The following BPIFB1 variants were observed in gnomAD, a reference collection of about 807,000 sequenced individuals.
BPIFB1 encodes BPI fold-containing family B member 1.
Under a neutral mutation model 55.1 loss-of-function variants are expected in BPIFB1, and 34 were observed. That is an observed-to-expected ratio of 0.62 (90% CI 0.47 to 0.82). The LOEUF (loss-of-function observed/expected upper bound fraction) is 0.82, where lower values mean the gene tolerates loss of function less well. BPIFB1 is among the 40% of genes least tolerant of loss of function. The pLI, the probability that BPIFB1 is intolerant of heterozygous loss-of-function variation, is 0.00. For missense variants in BPIFB1, 532 were observed against 593.1 expected (o/e 0.90, Z 1.07); for synonymous variants, 236 against 245.3 (o/e 0.96, Z 0.35).
intron 3 of BPIFB1, 119 bp downstream of exon 3, chr20:33,289,001 G>A: frequency 2.7e-5 from 33 of 1,216,706 alleles, no homozygotes; most frequent in Non-Finnish European, 3.6e-5. Context: ...CACAAAGAGT[G>A]GATCAAACAA....
intron 2 of BPIFB1, among the ~76,000 whole-genome samples, chr20:33,286,491 A>G (rs1474927800): frequency 6.6e-6 from 1 of 152,184 alleles, no homozygotes; most frequent in Non-Finnish European, 1.5e-5. Context: ...CTTCACCTGA[A>G]ATCCCATCGT....
intron 7 of BPIFB1, chr20:33,299,070 G>A (rs1980755271): frequency 2.3e-6 from 1 of 443,728 alleles, no homozygotes; most frequent in Non-Finnish European, 4.6e-6. Context: ...TCCGATTTTA[G>A]TACATGTGCT....
chr20:33,295,977 AAGGGAGGG>A (rs553122297), intron 6 of BPIFB1, among the ~76,000 whole-genome samples: 52 of 110,624 alleles, frequency 4.7e-4, no homozygotes, highest in African/African-American at 1.8e-3. Context: ...GAAAGGAAGG[AAGGGAGGG>A]AGGGAGGGAG....
intron 15 of BPIFB1, among the ~76,000 whole-genome samples, chr20:33,308,134 C>T (rs1035832425): frequency 6.6e-6 from 1 of 151,984 alleles, no homozygotes; most frequent in African/African-American, 2.4e-5. Context: ...GTGGGAGGTG[C>T]TACACACTTT....
At chr20:33,290,288 A>G (rs1980422896) in intron 4 of BPIFB1, among the ~76,000 whole-genome samples, 1 of 152,210 alleles carries the variant, frequency 6.6e-6, no homozygotes, top group Non-Finnish European at 1.5e-5. Flanking sequence ...GGAGCCAGGG[A>G]GGATTCTGAG....
At chr20:33,306,092 CT>C in intron 14 of BPIFB1, 27 bp downstream of exon 14, 4 of 1,612,948 alleles carry the variant, frequency 2.5e-6, no homozygotes, top group Non-Finnish European at 3.4e-6. Context: ...TCTGTGCCCC[CT>C]CTCTCCCCAG....
intron 4 of BPIFB1, 81 bp from the exon 5 acceptor site, chr20:33,290,876 T>A (rs1293589434): frequency 1.3e-6 from 2 of 1,502,310 alleles, no homozygotes; most frequent in Admixed American, 1.8e-5. Context: ...AGGTGAGGGC[T>A]GGAAGACAGA....
At chr20:33,299,807 A>T in intron 7 of BPIFB1, 92 bp from the exon 8 acceptor site, 2 of 747,184 alleles carry the variant, frequency 2.7e-6, no homozygotes, top group Non-Finnish European at 4.7e-6. Flanking sequence ...CCCCCCATGC[A>T]ACAGTACAGC....
At chr20:33,304,917 G>A (rs755114329) in intron 13 of BPIFB1, 26 bp downstream of exon 13, 1 of 1,612,948 alleles carries the variant, frequency 6.2e-7, no homozygotes, top group Non-Finnish European at 8.5e-7. Context: ...TGGTGCCTGA[G>A]GGCACAGGGG....
rs1218715604 is a variant in BPIFB1, at chr20:33,306,065, G to C, written c.1318G>C (p.Gly440Arg). The change falls in exon 14 of 16, where the codon GGC becomes CGC. Residue 440 changes from glycine to arginine, a missense_variant and splice_region_variant. Transcript: ENST00000253354. ...IHSILLPNQN[G>R]KLRSGVPVSL... Reference sequence around the variant, plus strand: ...CTCCATCCTGCTGCCGAACCAGAATGGTGCATACCTCTGCCATCTGTGCCC... The same window carrying C: ...CTCCATCCTGCTGCCGAACCAGAATCGTGCATACCTCTGCCATCTGTGCCC... 6 of 1,614,066 alleles carry C rather than the reference G, an allele frequency of 3.7e-6. No individual in the cohort carries two copies. Among genetic ancestry groups the C allele is most frequent in the Non-Finnish European group, 4.2e-6 (5 of 1,179,986 alleles).
At chr20:33,295,412 C>A (rs1980604848) in intron 6 of BPIFB1, among the ~76,000 whole-genome samples, 1 of 151,502 alleles carries the variant, frequency 6.6e-6, no homozygotes, top group Non-Finnish European at 1.5e-5. Flanking sequence ...TTGAGACCAG[C>A]CTGGCCAACA....
At position 33,291,087 on chromosome 20, in the gene BPIFB1, C is replaced by A. The variant is rs149436006; in HGVS notation, c.496C>A (p.Arg166Ser). ...SDCATSHGSL[R>S]IQLLHKLSFL... ...CTGTGCCACCAGCCATGGGAGCCTGCGCATCCAACTGCTGCATAAGTGAGT... is the reference window on the plus strand; with the variant it reads ...CTGTGCCACCAGCCATGGGAGCCTGAGCATCCAACTGCTGCATAAGTGAGT... The change falls in exon 5 of 16, where the codon CGC becomes AGC. Residue 166 changes from arginine (R) to serine (S), a missense_variant. Transcript: ENST00000253354. The A allele has an allele frequency of 2.2e-5, 36 of 1,611,862 alleles. No homozygotes were observed. The African/African-American group carries it at 4.5e-4, about 20-fold the overall frequency.
intron 2 of BPIFB1, among the ~76,000 whole-genome samples, chr20:33,288,524 T>C (rs1980343265): frequency 6.6e-6 from 1 of 152,168 alleles, no homozygotes; most frequent in African/African-American, 2.4e-5. Context: ...GCCTCGCTCC[T>C]GATGTGAAAA....
At chr20:33,301,012 G>GA (rs1174739510) in intron 8 of BPIFB1, among the ~76,000 whole-genome samples, 4 of 151,572 alleles carry the variant, frequency 2.6e-5, no homozygotes, top group Admixed American at 2.0e-4. Flanking sequence ...TGAAGCATGG[G>GA]AAAAAAAACG....
intron 6 of BPIFB1, among the ~76,000 whole-genome samples, chr20:33,295,746 G>C (rs1191915062): frequency 6.9e-6 from 1 of 145,198 alleles, no homozygotes; most frequent in Non-Finnish European, 1.5e-5. Flanking sequence ...AGGAAGGAGA[G>C]AGAGAGAGAA....
chr20:33,291,772 C>A (rs1227772360), intron 5 of BPIFB1, 135 bp from the exon 6 acceptor site: 3 of 736,498 alleles, frequency 4.1e-6, no homozygotes, highest in African/African-American at 3.5e-5. Context: ...TACTCCCAGC[C>A]CCGTCTCTAA....
At chr20:33,287,275 T>C (rs1980300646) in intron 2 of BPIFB1, among the ~76,000 whole-genome samples, 1 of 152,124 alleles carries the variant, frequency 6.6e-6, no homozygotes, top group African/African-American at 2.4e-5. Context: ...TACAGGAGTG[T>C]GGGGAGGCAA....
Position 33,289,895 on chromosome 20 carries a change from A to T in BPIFB1, c.268A>T (p.Ile90Phe), listed in dbSNP as rs768610487. The change falls in exon 4 of 16, where the codon ATC becomes TTC. Residue 90 changes from isoleucine to phenylalanine, a missense_variant. Ile to Phe is a conservative substitution (Grantham distance 21). Coordinates refer to ENST00000253354, the MANE Select transcript of BPIFB1 (RefSeq NM_033197.3). ...VLKHIIWLKV[I>F]TANILQLQVK... ...CTAAACCCCATCCAGGCTGAAGGTC[A>T]TCACAGCTAACATCCTCCAGCTGCA... 5 of 1,614,050 alleles carry T rather than the reference A, an allele frequency of 3.1e-6. No individual in the cohort carries two copies. In the African/African-American group the frequency reaches 6.7e-5, roughly 22 times the overall value.
At chr20:33,297,657 C>A in intron 7 of BPIFB1, 69 bp downstream of exon 7, 1 of 1,531,686 alleles carries the variant, frequency 6.5e-7, no homozygotes, top group Middle Eastern at 1.7e-4. Flanking sequence ...CTGACTCCAC[C>A]AAGGGAAGGC....
Sources: allele counts gnomAD v4.1 joint callset (sites outside exome capture counted in the v4.1 genomes callset), GRCh38; gene constraint gnomAD v4.1.1; transcripts MANE v1.5; gene names NCBI Gene and HGNC (gene_info 2026-07-23, HGNC 2026-07-21).